Variants in AP1S3 observed in about 807,000 individuals in gnomAD.
AP1S3 encodes the protein AP-1 complex subunit sigma-3.
A neutral mutation model predicts 20.9 loss-of-function variants in AP1S3; 10 were observed. The ratio of observed to expected loss-of-function variants is 0.48; its 90% CI spans 0.29 to 0.81. The LOEUF (loss-of-function observed/expected upper bound fraction) is 0.81, where lower values mean the gene tolerates loss of function less well. AP1S3 is among the 30% of genes least tolerant of loss of function. The pLI, the probability that AP1S3 is intolerant of heterozygous loss-of-function variation, is 0.08. For synonymous variants in AP1S3, 41 were observed against 61.5 expected, an observed-to-expected ratio of 0.67 and a Z score of 1.56; for missense variants, 154 against 183.8, an observed-to-expected ratio of 0.84 and a Z score of 0.94.
intron 1 of AP1S3, among the ~76,000 whole-genome samples, chr2:223,800,061 G>A (rs933866419): frequency 3.3e-5 from 5 of 151,084 alleles, no homozygotes; most frequent in East Asian, 2.0e-4. Flanking sequence ...CTATAAATAC[G>A]AAAATTAGCC....
chr2:223,810,264 GA>G (rs984291261), intron 1 of AP1S3, among the ~76,000 whole-genome samples: 1 of 152,004 alleles, frequency 6.6e-6, no homozygotes, highest in Non-Finnish European at 1.5e-5. Context: ...TATGACAGGG[GA>G]AAATAAAAAG....
Position 223,755,412 on chromosome 2 carries a change from G to A in AP1S3, c.*3303C>T, listed in dbSNP as rs931693297. Among the ~76,000 whole-genome samples the A allele has an allele frequency of 6.6e-6, 1 of 151,790 alleles. No homozygotes were observed. The highest frequency in any genetic ancestry group is 2.4e-5 in the African/African-American group (1 of 41,286). On this transcript the variant is annotated 3_prime_UTR_variant, in exon 5 of 5. Transcript: ENST00000396654. ...CTGTCTTTCTCTTGGTAGTTTTATA[G>A]TAATTATATAATATAAAGAAAACAC... is the stretch of plus-strand genomic sequence containing the variant.
intron 1 of AP1S3, among the ~76,000 whole-genome samples, chr2:223,781,478 G>A (rs1172312373): frequency 6.6e-6 from 1 of 151,990 alleles, no homozygotes; most frequent in Non-Finnish European, 1.5e-5. Context: ...GCTCACGCTT[G>A]TAATCCTGGC....
intron 1 of AP1S3, among the ~76,000 whole-genome samples, chr2:223,817,516 G>A (rs889938492): frequency 1.3e-5 from 2 of 149,838 alleles, no homozygotes; most frequent in African/African-American, 4.9e-5. Context: ...GCTGAGGCAG[G>A]AGAATTGCTT....
intron 3 of AP1S3, 49 bp from the exon 4 acceptor site, chr2:223,765,399 G>A (rs753621986): frequency 1.5e-4 from 241 of 1,559,002 alleles, no homozygotes; most frequent in South Asian, 1.5e-3. Context: ...TTGTATCAGG[G>A]GAAACATCTG....
chr2:223,761,917 C>A (rs188555013), intron 4 of AP1S3, among the ~76,000 whole-genome samples: 1 of 151,978 alleles, frequency 6.6e-6, no homozygotes, highest in Non-Finnish European at 1.5e-5. Context: ...TACTGTTTGT[C>A]GCTCCTACCT....
In AP1S3 at chr2:223,756,688, T is replaced by G; in HGVS notation, c.*2027A>C. 1.0e-6 allele frequency: 1 copy of G among 985,356 alleles called. No individual in the cohort carries two copies. 61.0% of individuals were successfully genotyped at this position (985,356 alleles called of 1,614,324 possible). A position where few individuals can be genotyped will look rare whatever the true frequency, so the allele number is the denominator to read the frequency against. On this transcript the variant is annotated 3_prime_UTR_variant, in exon 5 of 5. Coordinates refer to ENST00000396654, the MANE Select transcript of AP1S3 (RefSeq NM_001039569.2). ...AATCTGAGTTATTTCCTTTGAACAA[T>G]GGTTATATTGAGGAATTGGTGAATT...
chr2:223,829,730 G>C (rs992961522), intron 1 of AP1S3, among the ~76,000 whole-genome samples: 8 of 151,740 alleles, frequency 5.3e-5, no homozygotes, highest in African/African-American at 1.5e-4. Context: ...CCAGCTACTT[G>C]GGAGACTGAG....
At chr2:223,784,645 C>G (rs1019731013) in intron 1 of AP1S3, among the ~76,000 whole-genome samples, 2 of 152,124 alleles carry the variant, frequency 1.3e-5, no homozygotes, top group African/African-American at 4.8e-5. Flanking sequence ...AGTGACTCAG[C>G]AGTAAGTGTC....
At chr2:223,793,564 G>A (rs944124520) in intron 1 of AP1S3, among the ~76,000 whole-genome samples, 5 of 152,116 alleles carry the variant, frequency 3.3e-5, no homozygotes, top group Non-Finnish European at 7.4e-5. Context: ...GGGGAGTGGA[G>A]GGTAGGAGGA....
rs1293615265 is a variant in AP1S3 at position 223,821,171 on chromosome 2, T to C, written c.3+16277A>G. ...CTATCTATTTATCTATCTATCTATCTATGGCAGAGTCTCACACTGTCGCCC... is the reference window on the plus strand; with the variant it reads ...CTATCTATTTATCTATCTATCTATCCATGGCAGAGTCTCACACTGTCGCCC... On this transcript the variant is annotated intron_variant, in intron 1 of 4. Coordinates refer to ENST00000396654, the MANE Select transcript of AP1S3 (RefSeq NM_001039569.2). Among the ~76,000 whole-genome samples the C allele has an allele frequency of 4.6e-5, 7 of 152,294 alleles. No homozygotes were observed. In the East Asian group the frequency reaches 1.3e-3, roughly 29 times the overall value.
intron 1 of AP1S3, among the ~76,000 whole-genome samples, chr2:223,811,268 A>G (rs916841611): frequency 6.6e-6 from 1 of 151,746 alleles, no homozygotes; most frequent in Non-Finnish European, 1.5e-5. Flanking sequence ...AATTTTTTGT[A>G]TTTTTAGTGA....
intron 1 of AP1S3, among the ~76,000 whole-genome samples, chr2:223,819,881 G>A (rs958084121): frequency 3.3e-5 from 5 of 151,874 alleles, no homozygotes; most frequent in Admixed American, 3.3e-4. Context: ...TATATTCACT[G>A]GTTATAAAAA....
intron 1 of AP1S3, among the ~76,000 whole-genome samples, chr2:223,837,197 G>A (rs1470045444): frequency 6.6e-6 from 1 of 151,760 alleles, no homozygotes; most frequent in South Asian, 2.1e-4. Flanking sequence ...ACTCGGCTAA[G>A]GCGGATCGAA....
At position 223,757,395 on chromosome 2, in the gene AP1S3, G is replaced by A. The variant is rs373669913; in HGVS notation, c.*1320C>T. ...TCTTGATCTCTTGACCTTGTGATCCGCCCACCTCTGCCTCCCAAAGTGCTG... is the reference window on the plus strand; with the variant it reads ...TCTTGATCTCTTGACCTTGTGATCCACCCACCTCTGCCTCCCAAAGTGCTG... On this transcript the variant is annotated 3_prime_UTR_variant, in exon 5 of 5. Transcript: ENST00000396654. The A allele has an allele frequency of 1.8e-3, 291 of 166,018 alleles. 3 individuals are homozygous for A. Among genetic ancestry groups the A allele is most frequent in the South Asian group, 0.015 (74 of 5,076 alleles). The allele number at this position is 166,018 out of a possible 1,614,324, so 10.3% of individuals were successfully genotyped here. A position where few individuals can be genotyped will look rare whatever the true frequency, so the allele number is the denominator to read the frequency against.
At chr2:223,777,051 C>T (rs561634682) in intron 2 of AP1S3, among the ~76,000 whole-genome samples, 2 of 152,336 alleles carry the variant, frequency 1.3e-5, no homozygotes, top group African/African-American at 4.8e-5. Flanking sequence ...TACTACATGA[C>T]AGCAGGAATG....
chr2:223,802,855 G>A (rs556986368), intron 1 of AP1S3, among the ~76,000 whole-genome samples: 1 of 152,180 alleles, frequency 6.6e-6, no homozygotes, highest in South Asian at 2.1e-4. Context: ...AATATTTTTT[G>A]AACAACCAAC....
At chr2:223,762,599 C>T (rs935737786) in intron 4 of AP1S3, among the ~76,000 whole-genome samples, 3 of 152,128 alleles carry the variant, frequency 2.0e-5, no homozygotes, top group African/African-American at 7.2e-5. Context: ...CTTCTAATAA[C>T]TTTGTGCCAT....
At chr2:223,767,780 T>A (rs1690517209) in intron 3 of AP1S3, among the ~76,000 whole-genome samples, 1 of 152,114 alleles carries the variant, frequency 6.6e-6, no homozygotes. Flanking sequence ...TGCTTAGTAG[T>A]TGCAATCTCT....
Sources: gnomAD v4.1 joint callset for allele counts (sites outside exome capture counted in the v4.1 genomes callset) on GRCh38, gnomAD v4.1.1 for gene constraint, MANE v1.5 for transcripts, NCBI Gene and HGNC (gene_info 2026-07-23, HGNC 2026-07-21) for gene names.